PTPRD: variants seen among roughly 807,000 people sequenced by gnomAD.
PTPRD encodes the protein receptor-type tyrosine-protein phosphatase delta.
In PTPRD, 34 loss-of-function variants were observed where a neutral mutation model predicts 214.5. That is an observed-to-expected ratio of 0.16 (90% confidence interval 0.12 to 0.21). The LOEUF (loss-of-function observed/expected upper bound fraction) is 0.21. PTPRD is among the 10% of genes least tolerant of loss of function. The probability of loss-of-function intolerance (pLI) is 1.00; values close to 1 mark genes in which losing one functional copy is unlikely to be tolerated. For synonymous variants in PTPRD, 1,128 were observed against 845.7 expected, an observed-to-expected ratio of 1.33 and a Z score of -5.79; for missense variants, 2,545 against 2,398.7, an observed-to-expected ratio of 1.06 and a Z score of -1.27.
intron 5 of PTPRD, among the ~76,000 whole-genome samples, chr9:9,841,992 A>C (rs1226515097): frequency 6.6e-6 from 1 of 152,072 alleles, no homozygotes; most frequent in African/African-American, 2.4e-5. Context: ...AGTAGGATAA[A>C]TATTTAATAT....
intron 2 of PTPRD, among the ~76,000 whole-genome samples, chr9:10,590,588 G>A (rs2075183655): frequency 2.6e-5 from 4 of 151,762 alleles, no homozygotes; most frequent in Admixed American, 2.6e-4. Flanking sequence ...GTTGTCTCTG[G>A]CTTCTTTTTG....
chr9:9,015,729 T>C (rs527754412), intron 11 of PTPRD, among the ~76,000 whole-genome samples: 1 of 152,262 alleles, frequency 6.6e-6, no homozygotes, highest in African/African-American at 2.4e-5. Flanking sequence ...TTTCATTTCT[T>C]TCTAATGACT....
intron 5 of PTPRD, among the ~76,000 whole-genome samples, chr9:9,901,128 T>C (rs964750259): frequency 6.6e-6 from 1 of 152,136 alleles, no homozygotes; most frequent in African/African-American, 2.4e-5. Flanking sequence ...GGTGCCTGTG[T>C]ATAACACGGC....
intron 9 of PTPRD, among the ~76,000 whole-genome samples, chr9:9,289,001 C>T (rs921284890): frequency 3.3e-5 from 5 of 151,944 alleles, no homozygotes; most frequent in African/African-American, 1.2e-4. Context: ...TGTGAGTCAA[C>T]TAAACCTCTT....
intron 25 of PTPRD, among the ~76,000 whole-genome samples, chr9:8,497,947 T>C (rs1317676213): frequency 2.6e-5 from 4 of 152,224 alleles, no homozygotes; most frequent in Non-Finnish European, 5.9e-5. Flanking sequence ...TTTTCCATAA[T>C]TGTAGACTTA....
intron 8 of PTPRD, among the ~76,000 whole-genome samples, chr9:9,404,626 A>T (rs935823381): frequency 6.6e-6 from 1 of 152,090 alleles, no homozygotes; most frequent in Non-Finnish European, 1.5e-5. Context: ...TTTAAGTGGG[A>T]CATATATTAG....
chr9:10,087,759 G>C (rs575964853), intron 3 of PTPRD, among the ~76,000 whole-genome samples: 1 of 151,792 alleles, frequency 6.6e-6, no homozygotes, highest in East Asian at 2.0e-4. Context: ...ATTATTATGG[G>C]AAGCACTTGG....
intron 3 of PTPRD, among the ~76,000 whole-genome samples, chr9:10,308,609 AT>A (rs1297007831): frequency 6.6e-6 from 1 of 152,056 alleles, no homozygotes; most frequent in Non-Finnish European, 1.5e-5. Context: ...TACCATTAGT[AT>A]TTTGATACAG....
intron 11 of PTPRD, among the ~76,000 whole-genome samples, chr9:8,933,338 AGGTTT>A (rs779264945): frequency 2.7e-5 from 1 of 36,676 alleles, no homozygotes; most frequent in South Asian, 1.5e-3. Flanking sequence ...CACAACCTTG[AGGTTT>A]TTTTTTTTTT....
chr9:8,331,267 T>C (rs1446123909), intron 44 of PTPRD, among the ~76,000 whole-genome samples: 1 of 152,120 alleles, frequency 6.6e-6, no homozygotes, highest in African/African-American at 2.4e-5. Context: ...AAAGCAAATA[T>C]GAAATGATTA....
intron 14 of PTPRD, among the ~76,000 whole-genome samples, chr9:8,560,440 TACACACACAC>T (rs71317370): frequency 3.5e-5 from 5 of 143,430 alleles, no homozygotes; most frequent in South Asian, 2.2e-4. Flanking sequence ...AAAAAATACA[TACACACACAC>T]ACACACACAC....
chr9:10,547,574 A>T (rs942962458), intron 2 of PTPRD, among the ~76,000 whole-genome samples: 7 of 152,026 alleles, frequency 4.6e-5, no homozygotes, highest in African/African-American at 1.7e-4. Flanking sequence ...CATAAGAAAC[A>T]CATATATGAA....
chr9:10,355,621 G>A (rs1597914707), intron 2 of PTPRD, among the ~76,000 whole-genome samples: 1 of 151,838 alleles, frequency 6.6e-6, no homozygotes, highest in Non-Finnish European at 1.5e-5. Context: ...TGGGATTACA[G>A]GCATGCACGA....
chr9:8,717,881 C>G (rs530802728), intron 12 of PTPRD, among the ~76,000 whole-genome samples: 1 of 152,154 alleles, frequency 6.6e-6, no homozygotes, highest in African/African-American at 2.4e-5. Flanking sequence ...ATAAGGAACC[C>G]GCTCCTGGTA....
chr9:10,178,116 G>A (rs1032818106), intron 3 of PTPRD, among the ~76,000 whole-genome samples: 1 of 151,858 alleles, frequency 6.6e-6, no homozygotes, highest in Non-Finnish European at 1.5e-5. Flanking sequence ...GTAAGGACTG[G>A]TTGTCCACCA....
intron 3 of PTPRD, among the ~76,000 whole-genome samples, chr9:10,061,266 G>C (rs1172078063): frequency 1.3e-5 from 2 of 151,968 alleles, no homozygotes; most frequent in African/African-American, 4.8e-5. Flanking sequence ...CAGGAAAGGA[G>C]AAAGAAGAAA....
chr9:10,405,215 A>T (rs1298671757), intron 2 of PTPRD, among the ~76,000 whole-genome samples: 1 of 151,722 alleles, frequency 6.6e-6, no homozygotes, highest in Non-Finnish European at 1.5e-5. Flanking sequence ...ATGCCAGACC[A>T]TTATCTTAAT....
intron 9 of PTPRD, among the ~76,000 whole-genome samples, chr9:9,285,567 G>A (rs1333742417): frequency 6.6e-6 from 1 of 151,724 alleles, no homozygotes; most frequent in Non-Finnish European, 1.5e-5. Context: ...AAATCTAGTG[G>A]TCACTTTTAT....
chr9:9,527,615 C>G (rs962986672), intron 8 of PTPRD, among the ~76,000 whole-genome samples: 1 of 152,180 alleles, frequency 6.6e-6, no homozygotes, highest in Non-Finnish European at 1.5e-5. Context: ...GCATGATTCT[C>G]TACTATTTAA....
Sources: gnomAD v4.1 joint callset for allele counts (sites outside exome capture counted in the v4.1 genomes callset) on GRCh38, gnomAD v4.1.1 for gene constraint, MANE v1.5 for transcripts, NCBI Gene and HGNC (gene_info 2026-07-23, HGNC 2026-07-21) for gene names.